SUFU: variants seen among roughly 807,000 people sequenced by gnomAD.
SUFU encodes suppressor of fused homolog.
A neutral mutation model predicts 58.9 loss-of-function variants in SUFU; 7 were observed. The observed-to-expected ratio is 0.12, with a 90% CI of 0.07 to 0.22. The LOEUF is 0.22. SUFU is among the 10% of genes least tolerant of loss of function. The pLI is 1.00. For synonymous variants in SUFU, 232 were observed against 254.8 expected, an observed-to-expected ratio of 0.91 and a Z score of 0.85; for missense variants, 451 against 641.3, an observed-to-expected ratio of 0.70 and a Z score of 3.20.
chr10:102,609,659 T>C (rs961387177), intron 8 of SUFU, among the ~76,000 whole-genome samples: 24 of 152,336 alleles, frequency 1.6e-4, no homozygotes, highest in African/African-American at 5.5e-4. Context: ...AGCAAATGGT[T>C]ATCAGACCAG....
intron 3 of SUFU, 119 bp from the exon 4 acceptor site, chr10:102,592,463 A>T: frequency 8.6e-7 from 1 of 1,169,308 alleles, no homozygotes; most frequent in Non-Finnish European, 1.3e-6. Context: ...CTCTTCCTTC[A>T]CAGGGGCTAC....
intron 1 of SUFU, 129 bp downstream of exon 1, chr10:102,504,463 T>C (rs535900330): frequency 1.3e-6 from 2 of 1,505,224 alleles, no homozygotes; most frequent in East Asian, 2.5e-5. Context: ...GGAGGGCTTC[T>C]TGCTGCGAGG....
At chr10:102,562,080 A>G (rs1272941197) in intron 3 of SUFU, among the ~76,000 whole-genome samples, 1 of 152,222 alleles carries the variant, frequency 6.6e-6, no homozygotes, top group Non-Finnish European at 1.5e-5. Flanking sequence ...TCTGTAAGTC[A>G]GAGAGACTTT....
intron 7 of SUFU, among the ~76,000 whole-genome samples, chr10:102,598,013 ATTCT>A (rs1259696409): frequency 2.0e-4 from 31 of 152,210 alleles, no homozygotes; most frequent in Admixed American, 2.0e-3. Context: ...TCCTTTCTTC[ATTCT>A]TCCATCTTTT....
At position 102,630,251 on chromosome 10, in the gene SUFU, A is replaced by C. The variant is rs2063826075; in HGVS notation, c.*96A>C. The stretch of plus-strand genomic sequence containing the variant: ...TGTCAACGAGATCTCCACAAATAAA[A>C]GGACAAGTGTGAGGAAGACTGCGCA... On this transcript the variant is annotated 3_prime_UTR_variant, in exon 12 of 12. Transcript: ENST00000369902. 8.8e-7 allele frequency: 1 copy of C among 1,130,622 alleles called. No homozygotes were observed. The highest frequency in any genetic ancestry group is 1.3e-6 in the Non-Finnish European group (1 of 753,906). The allele number at this position is 1,130,622 out of a possible 1,614,324, so 70.0% of individuals were successfully genotyped here.
chr10:102,612,284 G>C (rs962951193), intron 8 of SUFU, among the ~76,000 whole-genome samples: 9 of 151,868 alleles, frequency 5.9e-5, no homozygotes, highest in African/African-American at 2.2e-4. Flanking sequence ...CCAAGCTCCA[G>C]GACTGCAAAT....
chr10:102,567,303 G>A (rs902142307), intron 3 of SUFU, among the ~76,000 whole-genome samples: 18 of 151,804 alleles, frequency 1.2e-4, no homozygotes, highest in South Asian at 4.2e-4. Context: ...GAGCCACTGC[G>A]CCCCATCCAA....
chr10:102,545,271 A>T (rs1159355508), intron 2 of SUFU, among the ~76,000 whole-genome samples: 1 of 147,432 alleles, frequency 6.8e-6, no homozygotes, highest in Non-Finnish European at 1.5e-5. Flanking sequence ...GGTGTGAGCC[A>T]CCATGCCTGG....
At chr10:102,578,936 T>G (rs964959850) in intron 3 of SUFU, among the ~76,000 whole-genome samples, 2 of 151,474 alleles carry the variant, frequency 1.3e-5, no homozygotes, top group Non-Finnish European at 2.9e-5. Context: ...TGGCAGGCCC[T>G]CGTGCTGGTG....
chr10:102,621,865 A>G (rs1375400360), intron 10 of SUFU, among the ~76,000 whole-genome samples: 2 of 152,146 alleles, frequency 1.3e-5, no homozygotes, highest in Non-Finnish European at 2.9e-5. Context: ...AGACTCAGAA[A>G]TATCATTGAC....
chr10:102,585,267 A>G (rs2063325064), intron 3 of SUFU, among the ~76,000 whole-genome samples: 1 of 152,186 alleles, frequency 6.6e-6, no homozygotes, highest in Non-Finnish European at 1.5e-5. Flanking sequence ...GACAACCACT[A>G]ATCTACTATC....
At chr10:102,575,825 A>G (rs545303722) in intron 3 of SUFU, among the ~76,000 whole-genome samples, 1 of 152,112 alleles carries the variant, frequency 6.6e-6, no homozygotes, top group Non-Finnish European at 1.5e-5. Context: ...TTAAGTATAT[A>G]GATAATACAT....
rs1046423420 is a variant in SUFU at position 102,625,821 on chromosome 10, C to T, written c.1297-1354C>T. Among the ~76,000 whole-genome samples, 4 of 152,198 alleles carry T rather than the reference C, an allele frequency of 2.6e-5. No homozygotes were observed. The highest frequency in any genetic ancestry group is 9.7e-5 in the African/African-American group (4 of 41,448). ...CACTTCTTGCTTTAGAGACCTCCGTCCTGTGAGCTCCCGAGCCGTCCTGTG... is the reference window on the plus strand; with the variant it reads ...CACTTCTTGCTTTAGAGACCTCCGTTCTGTGAGCTCCCGAGCCGTCCTGTG... On this transcript the variant is annotated intron_variant, in intron 10 of 11. Transcript: ENST00000369902. The surrounding 1 kb of genome is among the most constrained non-coding windows in gnomAD (Gnocchi z 4.7).
In SUFU at chr10:102,602,603, C is replaced by T. The variant is rs550194259; in HGVS notation, c.1022+3059C>T. Among the ~76,000 whole-genome samples, 14 of 152,350 alleles carry T rather than the reference C, an allele frequency of 9.2e-5. No homozygotes were observed. The South Asian group carries it at 2.5e-3, about 27-fold the overall frequency. ...ACCAAAATTATTTTGTGACACAAGG[C>T]CTTACTTTCTTCATGTGCAGAAACT... On this transcript the variant is annotated intron_variant, in intron 8 of 11. Transcript: ENST00000369902.
intron 4 of SUFU, among the ~76,000 whole-genome samples, chr10:102,593,024 TC>T (rs929534801): frequency 1.9e-4 from 29 of 152,156 alleles, no homozygotes; most frequent in African/African-American, 6.8e-4. Context: ...AACAGGACTT[TC>T]CAGCGGGAAG....
rs748828586 is a variant in SUFU, at chr10:102,617,387, A to T, written c.1255A>T (p.Thr419Ser). The change falls in exon 10 of 12, where the codon ACT (threonine) becomes TCT (serine). Residue 419 changes from threonine (T) to serine (S), a missense_variant. Physicochemically the swap from Thr to Ser is moderately conservative, Grantham distance 58. Coordinates refer to ENST00000369902, the MANE Select transcript of SUFU (RefSeq NM_016169.4). The surrounding 1 kb of genome is among the most constrained non-coding windows in gnomAD (Gnocchi z 4.4). Reference sequence around the variant, plus strand: ...CACGGGAGTGGAAGGCGCCTTTGCCACTGAGGAGCATCCTTACGCGGCTCA... The same window carrying T: ...CACGGGAGTGGAAGGCGCCTTTGCCTCTGAGGAGCATCCTTACGCGGCTCA... Reference protein sequence around the residue: ...VSTGVEGAFATEEHPYAAHGP... With the variant: ...VSTGVEGAFASEEHPYAAHGP... 6.2e-7 allele frequency: 1 copy of T among 1,614,198 alleles called. No homozygotes were observed. The highest frequency in any genetic ancestry group is 8.5e-7 in the Non-Finnish European group (1 of 1,180,030).
rs2135882202 is a variant in SUFU, at chr10:102,597,268, A to G, written c.885A>G (p.Thr295=). The G allele has an allele frequency of 6.2e-7, 1 of 1,613,806 alleles. No individual in the cohort carries two copies. The highest frequency in any genetic ancestry group is 8.5e-7 in the Non-Finnish European group (1 of 1,179,994). The change falls in exon 7 of 12, where the codon ACA becomes ACG. Residue 295 remains threonine, a synonymous_variant. Coordinates refer to ENST00000369902, the MANE Select transcript of SUFU (RefSeq NM_016169.4). The part of the protein sequence containing the change: ...DEDSRSICIG[T]QPRRLSGKDT... The stretch of plus-strand genomic sequence containing the variant: ...ACAGCCGGAGCATCTGCATCGGCAC[A>G]CAGCCCCGGCGACTCTCTGGCAAAG...
Position 102,630,305 on chromosome 10 carries a change from A to T in SUFU, c.*150A>T. On this transcript the variant is annotated 3_prime_UTR_variant, in exon 12 of 12. Transcript: ENST00000369902. ...CCACCCCGCAGCCCAGTGGGGTGCCATGCACAGGCCACAGGCCCTCCACCT... is the reference window on the plus strand; with the variant it reads ...CCACCCCGCAGCCCAGTGGGGTGCCTTGCACAGGCCACAGGCCCTCCACCT... 1.4e-6 allele frequency: 1 copy of T among 733,530 alleles called. No individual in the cohort carries two copies. The highest frequency in any genetic ancestry group is 1.6e-5 in the South Asian group (1 of 63,784). The allele number at this position is 733,530 out of a possible 1,614,324, so 45.4% of individuals were successfully genotyped here. A position where few individuals can be genotyped will look rare whatever the true frequency, so the allele number is the denominator to read the frequency against.
chr10:102,593,508 C>A, intron 4 of SUFU, 128 bp from the exon 5 acceptor site: 1 of 943,942 alleles, frequency 1.1e-6, no homozygotes, highest in Non-Finnish European at 1.7e-6. Context: ...TTGGCTGCAC[C>A]AGCTCCTGAG....
Sources: allele counts gnomAD v4.1 joint callset (sites outside exome capture counted in the v4.1 genomes callset), GRCh38; gene constraint gnomAD v4.1.1; non-coding constraint Gnocchi (gnomAD v3.1); transcripts MANE v1.5; gene names NCBI Gene and HGNC (gene_info 2026-07-23, HGNC 2026-07-21).